Variants in MRNIP observed in about 807,000 individuals in gnomAD.
MRNIP encodes the protein MRN complex interacting protein, also known as MRN complex-interacting protein.
MRNIP carries 30 observed loss-of-function variants against 29.8 expected under a neutral mutation model. That is an observed-to-expected ratio of 1.01 (90% CI 0.75 to 1.36). The LOEUF is 1.36. Ranked by LOEUF, MRNIP falls within the 40% of genes most tolerant of loss-of-function variation. The pLI is 0.00. For synonymous variants in MRNIP, 201 were observed against 164.1 expected (o/e 1.23, Z -1.72); for missense variants, 459 against 423.5 (o/e 1.08, Z -0.74).
At chr5:179,852,885 T>C (rs1256053396) in intron 2 of MRNIP, among the ~76,000 whole-genome samples, 1 of 152,206 alleles carries the variant, frequency 6.6e-6, no homozygotes, top group African/African-American at 2.4e-5. Context: ...ATTTACAGCC[T>C]GCCCCTGCCT....
intron 5 of MRNIP, 76 bp downstream of exon 5, chr5:179,841,831 A>G (rs1402129280): frequency 1.4e-6 from 2 of 1,477,758 alleles, no homozygotes; most frequent in African/African-American, 2.8e-5. Flanking sequence ...TGACGCTCAC[A>G]GTGGCTCACT....
intron 4 of MRNIP, among the ~76,000 whole-genome samples, chr5:179,842,647 C>A (rs1219652782): frequency 3.1e-5 from 4 of 129,734 alleles, no homozygotes; most frequent in African/African-American, 1.2e-4. Context: ...CTGCAGTGAG[C>A]CGAGATGGTG....
chr5:179,846,472 G>A (rs368968485), intron 3 of MRNIP, among the ~76,000 whole-genome samples: 2 of 151,936 alleles, frequency 1.3e-5, no homozygotes, highest in South Asian at 2.1e-4. Flanking sequence ...TAGTAGAGAC[G>A]GGATTTCATC....
At chr5:179,844,937 TC>T (rs1353974776) in intron 3 of MRNIP, among the ~76,000 whole-genome samples, 1 of 152,228 alleles carries the variant, frequency 6.6e-6, no homozygotes, top group African/African-American at 2.4e-5. Context: ...TTACTGTGTT[TC>T]CTTAATCTAA....
At chr5:179,844,097 A>G (rs1037243929) in intron 4 of MRNIP, 55 bp downstream of exon 4, 6 of 1,411,972 alleles carry the variant, frequency 4.2e-6, no homozygotes, top group Non-Finnish European at 5.0e-6. Context: ...ACATCTGTGC[A>G]TTCATCCCTT....
At chr5:179,844,128 G>C (rs767967377) in intron 4 of MRNIP, 24 bp downstream of exon 4, 2 of 1,607,204 alleles carry the variant, frequency 1.2e-6, no homozygotes, top group East Asian at 4.5e-5. Context: ...GAGCCAGCCT[G>C]GGGCAGGTGG....
intron 2 of MRNIP, among the ~76,000 whole-genome samples, chr5:179,850,380 G>A (rs1221933184): frequency 1.3e-5 from 2 of 152,216 alleles, no homozygotes; most frequent in African/African-American, 4.8e-5. Context: ...TTTAAGTGAA[G>A]TGTGCTGGGA....
chr5:179,858,395 A>G (rs1050933844), intron 1 of MRNIP, among the ~76,000 whole-genome samples: 3 of 151,350 alleles, frequency 2.0e-5, no homozygotes, highest in Non-Finnish European at 4.4e-5. Context: ...GTCTCTAAGA[A>G]CCGTCCTCCC....
intron 2 of MRNIP, among the ~76,000 whole-genome samples, chr5:179,849,837 G>A (rs1355175083): frequency 2.0e-5 from 3 of 151,870 alleles, no homozygotes; most frequent in Non-Finnish European, 2.9e-5. Flanking sequence ...TATGGCACAG[G>A]CAGATGGTAC....
intron 5 of MRNIP, 58 bp downstream of exon 5, chr5:179,841,849 C>A: frequency 1.3e-6 from 2 of 1,558,832 alleles, no homozygotes; most frequent in South Asian, 1.2e-5. Context: ...ACTGGTGCCC[C>A]ACTGCTGGAG....
intron 1 of MRNIP, among the ~76,000 whole-genome samples, chr5:179,854,263 A>G (rs569029066): frequency 6.6e-5 from 10 of 151,864 alleles, no homozygotes; most frequent in African/African-American, 2.4e-4. Flanking sequence ...CTGGTGATCC[A>G]CCCGCCTCGG....
intron 1 of MRNIP, among the ~76,000 whole-genome samples, chr5:179,854,392 G>A (rs1442907462): frequency 6.6e-6 from 1 of 152,184 alleles, no homozygotes; most frequent in African/African-American, 2.4e-5. Flanking sequence ...AACATTTAGC[G>A]TATCATAATC....
chr5:179,858,383 C>G (rs1393700281), intron 1 of MRNIP, among the ~76,000 whole-genome samples: 1 of 152,116 alleles, frequency 6.6e-6, no homozygotes, highest in Non-Finnish European at 1.5e-5. Context: ...GCGGCGCGCT[C>G]GGTCTCTAAG....
intron 4 of MRNIP, 81 bp downstream of exon 4, chr5:179,844,071 A>G: frequency 2.6e-6 from 3 of 1,152,874 alleles, no homozygotes; most frequent in East Asian, 2.4e-5. Context: ...CACATTTGCT[A>G]TAATGACTAC....
At chr5:179,846,642 A>C (rs1759142266) in intron 3 of MRNIP, among the ~76,000 whole-genome samples, 2 of 151,998 alleles carry the variant, frequency 1.3e-5, no homozygotes, top group Non-Finnish European at 2.9e-5. Context: ...AGCTCCATTT[A>C]CCTCTGCTTC....
At position 179,842,533 on chromosome 5, in the gene MRNIP, C is replaced by CA. The variant is rs1293432933; in HGVS notation, c.292-470dup. 2.1e-3 allele frequency among the ~76,000 whole-genome samples: 280 copies of CA among 131,680 alleles called. 1 individual carries two copies. The highest frequency in any genetic ancestry group is 5.3e-3 in the Admixed American group (72 of 13,542). 86.4% of individuals were successfully genotyped at this position (131,680 alleles called of 152,430 possible). ...GTCTCTACTAAAAAAAAAACAACAA[C>CA]AAAAAAAAAACAAAAAATTAGCCGG... is the stretch of plus-strand genomic sequence containing the variant. On this transcript the variant is annotated intron_variant, in intron 4 of 6. Transcript: ENST00000292586.
intron 6 of MRNIP, chr5:179,838,927 C>G (rs1248214877): frequency 1.3e-5 from 2 of 151,180 alleles, no homozygotes; most frequent in African/African-American, 4.9e-5. Flanking sequence ...CCATTGCACT[C>G]CAGCCTAGGT....
chr5:179,844,060 A>G, intron 4 of MRNIP, 92 bp downstream of exon 4: 1 of 1,035,780 alleles, frequency 9.7e-7, no homozygotes, highest in Non-Finnish European at 1.5e-6. Context: ...TGGCATCAAC[A>G]CACATTTGCT....
intron 4 of MRNIP, among the ~76,000 whole-genome samples, chr5:179,843,441 T>C (rs1392433656): frequency 6.6e-6 from 1 of 152,172 alleles, no homozygotes; most frequent in Non-Finnish European, 1.5e-5. Flanking sequence ...CCTCTGCTTA[T>C]AACAAAGTGT....
Sources: gnomAD v4.1 joint callset for allele counts (sites outside exome capture counted in the v4.1 genomes callset) on GRCh38, gnomAD v4.1.1 for gene constraint, MANE v1.5 for transcripts, NCBI Gene and HGNC (gene_info 2026-07-23, HGNC 2026-07-21) for gene names.